The following NAXD variants were observed in gnomAD, a reference collection of about 807,000 sequenced individuals.
The protein encoded by NAXD is NAD(P)HX dehydratase.
A neutral mutation model predicts 35.8 loss-of-function variants in NAXD; 22 were observed. That is an observed-to-expected ratio of 0.62 (90% confidence interval 0.44 to 0.88). The LOEUF is 0.88. NAXD is among the 40% of genes least tolerant of loss of function. The pLI, the probability that NAXD is intolerant of heterozygous loss-of-function variation, is 0.00. For missense variants in NAXD, 428 were observed against 437.7 expected, an observed-to-expected ratio of 0.98 and a Z score of 0.20; for synonymous variants, 189 against 177.6, an observed-to-expected ratio of 1.06 and a Z score of -0.51.
chr13:110,615,619 C>G lies in NAXD; in HGVS notation c.18C>G (p.Arg6=). 1 of 1,470,506 alleles carries G rather than the reference C, an allele frequency of 6.8e-7. No homozygotes were observed. Among genetic ancestry groups the G allele is most frequent in the Non-Finnish European group, 9.0e-7 (1 of 1,115,702 alleles). The allele number at this position is 1,470,506 out of a possible 1,614,324, so 91.1% of individuals were successfully genotyped here. A position where few individuals can be genotyped will look rare whatever the true frequency, so the allele number is the denominator to read the frequency against. The change falls in exon 1 of 10, where the codon CGC becomes CGG. Residue 6 remains arginine, a synonymous_variant. Coordinates refer to ENST00000680254, the MANE Select transcript of NAXD (RefSeq NM_001242882.2). MALGP[R]CGAIRACRRV... ...GCTGCCCGATGGCCCTGGGTCCTCG[C>G]TGTGGGGCAATCCGGGCTTGCAGAC...
In NAXD at chr13:110,634,919, G is replaced by A. The variant is rs1249011294; in HGVS notation, c.597+143G>A. The A allele has an allele frequency of 8.9e-6, 6 of 672,858 alleles. No homozygotes were observed. In the Admixed American group the frequency reaches 1.1e-4, roughly 13 times the overall value. 41.7% of individuals were successfully genotyped at this position (672,858 alleles called of 1,614,324 possible). A position where few individuals can be genotyped will look rare whatever the true frequency, so the allele number is the denominator to read the frequency against. On this transcript the variant is annotated intron_variant, in intron 7 of 9. Coordinates refer to ENST00000680254, the MANE Select transcript of NAXD (RefSeq NM_001242882.2). ...CTGTGCCTCTCCCAGCGGATGGCGC[G>A]TCTTCCCATTAATGCGCTTGGATTG... is the stretch of plus-strand genomic sequence containing the variant.
At chr13:110,632,818 AC>A (rs1886759320) in intron 5 of NAXD, among the ~76,000 whole-genome samples, 1 of 131,284 alleles carries the variant, frequency 7.6e-6, no homozygotes, top group Non-Finnish European at 1.7e-5. Flanking sequence ...TGGTGCATTC[AC>A]AAACCCTGAG....
chr13:110,615,703 C>T, intron 1 of NAXD, 56 bp downstream of exon 1: 1 of 1,519,266 alleles, frequency 6.6e-7, no homozygotes. Flanking sequence ...GCCGGAACTG[C>T]CGTCGCCGGC....
chr13:110,621,186 T>C (rs1161938953), intron 1 of NAXD, among the ~76,000 whole-genome samples: 1 of 152,202 alleles, frequency 6.6e-6, no homozygotes, highest in African/African-American at 2.4e-5. Context: ...AGTAATATGA[T>C]GAATCTGTCA....
At chr13:110,629,490 G>A (rs1886626060) in intron 5 of NAXD, among the ~76,000 whole-genome samples, 1 of 152,250 alleles carries the variant, frequency 6.6e-6, no homozygotes, top group Admixed American at 6.5e-5. Flanking sequence ...CCAGTTCCTG[G>A]CAGCCACTCA....
intron 1 of NAXD, chr13:110,615,859 G>A: frequency 8.6e-7 from 1 of 1,166,392 alleles, no homozygotes; most frequent in South Asian, 2.6e-5. Flanking sequence ...GGGGCGCCGT[G>A]TGGCCTGCGG....
intron 7 of NAXD, 46 bp downstream of exon 7, chr13:110,634,822 C>A: frequency 7.0e-7 from 1 of 1,437,080 alleles, no homozygotes; most frequent in East Asian, 2.3e-5. Context: ...CCCTGTTCGT[C>A]CTGAAGAGGG....
chr13:110,615,701 TGCCGTC>T (rs1566610786), intron 1 of NAXD, 54 bp downstream of exon 1: 1 of 1,520,224 alleles, frequency 6.6e-7, no homozygotes, highest in Admixed American at 2.0e-5. Context: ...GGGCCGGAAC[TGCCGTC>T]GCCGGCGCGG....
At chr13:110,631,739 G>T (rs889537070) in intron 5 of NAXD, among the ~76,000 whole-genome samples, 8 of 152,166 alleles carry the variant, frequency 5.3e-5, no homozygotes, top group African/African-American at 7.2e-5. Flanking sequence ...AGCAGACAAA[G>T]AATTTTTATT....
Position 110,637,320 on chromosome 13 carries a change from C to T in NAXD, c.839+71C>T, listed in dbSNP as rs534574113. 408 of 1,556,602 alleles carry T rather than the reference C, an allele frequency of 2.6e-4. No homozygotes were observed. The African/African-American group carries it at 5.1e-3, about 19-fold the overall frequency. ...TTCTAAGCTGTTTCAGTAGCTCATG[C>T]GTTGAATAAGTAGCCCTGGAAACAC... On this transcript the variant is annotated intron_variant, in intron 9 of 9. Coordinates refer to ENST00000680254, the MANE Select transcript of NAXD (RefSeq NM_001242882.2).
chr13:110,616,625 T>C (rs1376729511), intron 1 of NAXD, among the ~76,000 whole-genome samples: 1 of 152,242 alleles, frequency 6.6e-6, no homozygotes, highest in Non-Finnish European at 1.5e-5. Context: ...CATCTCTTCA[T>C]AGGGTTTTTT....
rs750555878 is a variant in NAXD at position 110,615,749 on chromosome 13, G to C, written c.46+102G>C. On this transcript the variant is annotated intron_variant, in intron 1 of 9. Transcript: ENST00000680254. Reference sequence around the variant, plus strand: ...TCGCATTGCTCTCGGCCGCACTCGCGCTGTACGGGCCGCCACTGGACGCAG... The same window carrying C: ...TCGCATTGCTCTCGGCCGCACTCGCCCTGTACGGGCCGCCACTGGACGCAG... 6 of 1,469,628 alleles carry C rather than the reference G, an allele frequency of 4.1e-6. No homozygotes were observed. The South Asian group carries it at 8.0e-5, about 19-fold the overall frequency. 91.0% of individuals were successfully genotyped at this position (1,469,628 alleles called of 1,614,324 possible). A position where few individuals can be genotyped will look rare whatever the true frequency, so the allele number is the denominator to read the frequency against.
In NAXD at chr13:110,622,304, T is replaced by A. The variant is rs759791739; in HGVS notation, c.135T>A (p.Pro45=). Residue 45 remains proline (P), a synonymous_variant, in exon 2 of 10, where the codon CCT becomes CCA. Coordinates refer to ENST00000680254, the MANE Select transcript of NAXD (RefSeq NM_001242882.2). The part of the protein sequence containing the change: ...TLQLVRNIIP[P]LSSTKHKGQD... ...AGCTGGTGAGAAATATCATACCTCC[T>A]CTGTCTTCCACAAAGCACAAAGGGC... The A allele has an allele frequency of 6.2e-7, 1 of 1,614,208 alleles. No homozygotes were observed. The highest frequency in any genetic ancestry group is 1.1e-5 in the South Asian group (1 of 91,088).
Position 110,628,677 on chromosome 13 carries a change from CT to C in NAXD, c.441+1132del, listed in dbSNP as rs1238917781. ...GGAGCCCGTCTTTGAGCTTTAAGGT[CT>C]TACCCGCTCACCGGGAAGGAGGAGG... On this transcript the variant is annotated intron_variant, in intron 5 of 9. Transcript: ENST00000680254. The surrounding 1 kb of genome is among the most constrained non-coding windows in gnomAD (Gnocchi z 4.1). Among the ~76,000 whole-genome samples the C allele has an allele frequency of 6.6e-6, 1 of 151,974 alleles. No individual in the cohort carries two copies. The highest frequency in any genetic ancestry group is 1.5e-5 in the Non-Finnish European group (1 of 68,014).
chr13:110,629,291 GT>G (rs933666656), intron 5 of NAXD, among the ~76,000 whole-genome samples: 2 of 152,058 alleles, frequency 1.3e-5, no homozygotes, highest in Non-Finnish European at 2.9e-5. Context: ...TGCAGAGATG[GT>G]TTTTTAAAAA....
intron 5 of NAXD, among the ~76,000 whole-genome samples, chr13:110,634,327 C>T (rs1054320892): frequency 2.6e-5 from 4 of 152,092 alleles, no homozygotes; most frequent in African/African-American, 4.8e-5. Context: ...ATCAAGGTGC[C>T]GGCATCTGGC....
chr13:110,634,862 C>G (rs1232172184), intron 7 of NAXD, 86 bp downstream of exon 7: 1 of 1,009,308 alleles, frequency 9.9e-7, no homozygotes, highest in Non-Finnish European at 1.5e-6. Context: ...TTCTGCCCAG[C>G]CTGTCCCTGT....
At chr13:110,624,342 T>C in intron 3 of NAXD, 63 bp downstream of exon 3, 1 of 996,330 alleles carries the variant, frequency 1.0e-6, no homozygotes, top group Middle Eastern at 2.7e-4. Context: ...TATTTAAATA[T>C]GATTAAAGCA....
chr13:110,618,858 A>G (rs1463783896), intron 1 of NAXD, among the ~76,000 whole-genome samples: 1 of 152,256 alleles, frequency 6.6e-6, no homozygotes, highest in Non-Finnish European at 1.5e-5. Context: ...GTGCTATCCC[A>G]GTACCAAAAG....
Sources: gnomAD v4.1 joint callset for allele counts (sites outside exome capture counted in the v4.1 genomes callset) on GRCh38, gnomAD v4.1.1 for gene constraint, Gnocchi (gnomAD v3.1) non-coding constraint, MANE v1.5 for transcripts, NCBI Gene and HGNC (gene_info 2026-07-23, HGNC 2026-07-21) for gene names.